Variants in HDAC4 observed in about 807,000 individuals in gnomAD.
HDAC4 encodes the protein histone deacetylase A.
Under a neutral mutation model 135.1 loss-of-function variants are expected in HDAC4, and 16 were observed. The ratio of observed to expected loss-of-function variants is 0.12; its 90% CI spans 0.08 to 0.18. The LOEUF is 0.18. Among genes scored for constraint, HDAC4 ranks in the 10% least tolerant of loss-of-function variants. The pLI, the probability that HDAC4 is intolerant of heterozygous loss-of-function variation, is 1.00. For missense variants in HDAC4, 1,143 were observed against 1,511.8 expected, an observed-to-expected ratio of 0.76 and a Z score of 4.05; for synonymous variants, 685 against 653.4, an observed-to-expected ratio of 1.05 and a Z score of -0.74.
At chr2:239,255,267 C>T (rs2048988111) in intron 2 of HDAC4, among the ~76,000 whole-genome samples, 1 of 150,720 alleles carries the variant, frequency 6.6e-6, no homozygotes, top group Non-Finnish European at 1.5e-5. Context: ...ATACAGATAC[C>T]GAGACTATGT....
intron 22 of HDAC4, 172 bp downstream of exon 22, chr2:239,080,923 A>C: frequency 1.7e-6 from 1 of 600,688 alleles, no homozygotes; most frequent in Non-Finnish European, 3.0e-6. Flanking sequence ...ATAGTCGCCA[A>C]GATTCCACGC....
rs552629509 is a variant in HDAC4 at position 239,110,884 on chromosome 2, A to T, written c.1978+642T>A. ...CTCCTCCCCGGCTCTGGCTAGCTCC[A>T]GGCAGACAAGTCCAGGGCCCGGCCC... On this transcript the variant is annotated intron_variant, in intron 14 of 26. Transcript: ENST00000543185. Among the ~76,000 whole-genome samples the T allele has an allele frequency of 2.6e-5, 4 of 152,336 alleles. No individual in the cohort carries two copies. The South Asian group carries it at 8.3e-4, about 32-fold the overall frequency.
chr2:239,074,875 C>A (rs542092713), intron 22 of HDAC4, among the ~76,000 whole-genome samples: 1 of 152,100 alleles, frequency 6.6e-6, no homozygotes, highest in African/African-American at 2.4e-5. Context: ...ATAGATGCTG[C>A]AAAAAATGGG....
At chr2:239,322,849 C>T (rs1243419058) in intron 2 of HDAC4, among the ~76,000 whole-genome samples, 1 of 152,170 alleles carries the variant, frequency 6.6e-6, no homozygotes, top group African/African-American at 2.4e-5. Context: ...TGCCCCAGCA[C>T]CTGGACAGAC....
At chr2:239,367,036 C>A (rs1471981001) in intron 1 of HDAC4, among the ~76,000 whole-genome samples, 1 of 136,700 alleles carries the variant, frequency 7.3e-6, no homozygotes, top group East Asian at 1.9e-4. Flanking sequence ...GGAAAACAAC[C>A]CTTTGACAAA....
At chr2:239,310,277 C>T (rs2052807719) in intron 2 of HDAC4, among the ~76,000 whole-genome samples, 1 of 152,198 alleles carries the variant, frequency 6.6e-6, no homozygotes, top group Non-Finnish European at 1.5e-5. Context: ...TCTGGTTTGC[C>T]CCAGATGTGG....
At chr2:239,345,234 C>G (rs1692533074) in intron 2 of HDAC4, among the ~76,000 whole-genome samples, 1 of 152,128 alleles carries the variant, frequency 6.6e-6, no homozygotes, top group Admixed American at 6.5e-5. Context: ...CTTCAAAATT[C>G]CTTTTCTGCC....
In HDAC4 at chr2:239,270,758, G is replaced by A. The variant is rs531578598; in HGVS notation, c.23-34094C>T. On this transcript the variant is annotated intron_variant, in intron 2 of 26. Transcript: ENST00000543185. ...GAAAGGAGTAAGACGACCTGTTGAC[G>A]GATACGACAGATGTGAGCGTTACTG... is the stretch of plus-strand genomic sequence containing the variant. Among the ~76,000 whole-genome samples the A allele has an allele frequency of 1.1e-4, 17 of 152,252 alleles. No individual in the cohort carries two copies. In the South Asian group the frequency reaches 3.1e-3, roughly 28 times the overall value.
intron 2 of HDAC4, among the ~76,000 whole-genome samples, chr2:239,294,566 TGGGAA>T (rs2051736535): frequency 6.6e-6 from 1 of 152,118 alleles, no homozygotes; most frequent in Non-Finnish European, 1.5e-5. Context: ...TCTCTCTTTC[TGGGAA>T]GGGACAACAG....
chr2:239,157,849 A>G lies in HDAC4; in HGVS notation c.612-1076T>C, dbSNP rs894631792. Among the ~76,000 whole-genome samples the G allele has an allele frequency of 3.9e-5, 6 of 152,162 alleles. No homozygotes were observed. The South Asian group carries it at 8.3e-4, about 21-fold the overall frequency. On this transcript the variant is annotated intron_variant, in intron 6 of 26. Coordinates refer to ENST00000543185, the MANE Select transcript of HDAC4 (RefSeq NM_001378414.1). The stretch of plus-strand genomic sequence containing the variant: ...GCAAAGAATGTGCTGAAGGGAACTC[A>G]TAGACAAAATTGAGGAGCCGAGCCC...
chr2:239,330,254 T>G (rs1691480731), intron 2 of HDAC4, among the ~76,000 whole-genome samples: 1 of 152,202 alleles, frequency 6.6e-6, no homozygotes, highest in Non-Finnish European at 1.5e-5. Flanking sequence ...CAGCTTTCCA[T>G]AGGAGCATCG....
intron 2 of HDAC4, among the ~76,000 whole-genome samples, chr2:239,321,811 C>T (rs2053325204): frequency 6.6e-6 from 1 of 152,210 alleles, no homozygotes; most frequent in Admixed American, 6.5e-5. Context: ...CCCCTAGACA[C>T]TGGCTTCATC....
At chr2:239,324,571 C>T (rs2053414652) in intron 2 of HDAC4, among the ~76,000 whole-genome samples, 1 of 152,228 alleles carries the variant, frequency 6.6e-6, no homozygotes, top group Non-Finnish European at 1.5e-5. Flanking sequence ...AGCCAGCACA[C>T]TCAGGACCCC....
Position 239,115,202 on chromosome 2 carries a change from G to A in HDAC4, c.1642C>T (p.Arg548Trp), listed in dbSNP as rs140814864. Residue 548 changes from arginine to tryptophan, a missense_variant, in exon 13 of 27, where the codon CGG becomes TGG. Transcript: ENST00000543185. The surrounding 1 kb of genome is among the most constrained non-coding windows in gnomAD (Gnocchi z 6.3). ...TGCGCCTCCTTCTGCCCCGGCAGCCGGTCCAGGTAGGGCTCGTCCAGCAGA... is the reference window on the plus strand; with the variant it reads ...TGCGCCTCCTTCTGCCCCGGCAGCCAGTCCAGGTAGGGCTCGTCCAGCAGA... ...QALLDEPYLD[R>W]LPGQKEAHAQ... is the part of the protein sequence containing the mutation. The A allele has an allele frequency of 2.7e-5, 43 of 1,611,658 alleles. No individual in the cohort carries two copies. The highest frequency in any genetic ancestry group is 4.4e-5 in the South Asian group (4 of 91,058).
chr2:239,080,210 GAC>G (rs1449055255), intron 22 of HDAC4, among the ~76,000 whole-genome samples: 1 of 151,992 alleles, frequency 6.6e-6, no homozygotes, highest in Non-Finnish European at 1.5e-5. Context: ...ACGTCACAAA[GAC>G]ACGTCTGCAC....
In HDAC4 at chr2:239,167,883, T is replaced by G. The variant is rs2043206163; in HGVS notation, c.491-3960A>C. On this transcript the variant is annotated intron_variant, in intron 5 of 26. Transcript: ENST00000543185. The surrounding 1 kb of genome is among the most constrained non-coding windows in gnomAD (Gnocchi z 4.1). ...TCTTCCCATACCAGGGGGCAGAGAG[T>G]GCACCCGAGACCTAAGGAATGAGCG... Among the ~76,000 whole-genome samples, 1 of 141,240 alleles carries G rather than the reference T, an allele frequency of 7.1e-6. No individual in the cohort carries two copies. Among genetic ancestry groups the G allele is most frequent in the South Asian group, 2.3e-4 (1 of 4,278 alleles). 92.7% of individuals were successfully genotyped at this position (141,240 alleles called of 152,430 possible).
intron 3 of HDAC4, among the ~76,000 whole-genome samples, chr2:239,231,220 G>A (rs182946973): frequency 7.4e-4 from 112 of 152,286 alleles, no homozygotes; most frequent in Non-Finnish European, 1.1e-3. Context: ...TGATGAAACC[G>A]CCACCCCTAT....
At chr2:239,142,331 C>T (rs1010896999) in intron 8 of HDAC4, among the ~76,000 whole-genome samples, 17 of 152,296 alleles carry the variant, frequency 1.1e-4, no homozygotes, top group African/African-American at 3.4e-4. Context: ...TCCACTCCTC[C>T]GTGTGGGACC....
intron 1 of HDAC4, among the ~76,000 whole-genome samples, chr2:239,392,179 C>T (rs1559405427): frequency 6.6e-6 from 1 of 152,216 alleles, no homozygotes; most frequent in Non-Finnish European, 1.5e-5. Flanking sequence ...TCAGCTGCTG[C>T]CCCAGCCAGC....
Sources: gnomAD v4.1 joint callset for allele counts (sites outside exome capture counted in the v4.1 genomes callset) on GRCh38, gnomAD v4.1.1 for gene constraint, Gnocchi (gnomAD v3.1) non-coding constraint, MANE v1.5 for transcripts, NCBI Gene and HGNC (gene_info 2026-07-23, HGNC 2026-07-21) for gene names.